KLHL3: variants seen among roughly 807,000 people sequenced by gnomAD.
The protein encoded by KLHL3 is kelch like family member 3, also known as kelch-like protein 3.
A neutral mutation model predicts 70.5 loss-of-function variants in KLHL3; 19 were observed. The ratio of observed to expected loss-of-function variants is 0.27; its 90% confidence interval spans 0.19 to 0.40. KLHL3 has a LOEUF of 0.40. Among genes scored for constraint, KLHL3 ranks in the 10% least tolerant of loss-of-function variants. KLHL3 has a pLI of 1.00. For synonymous variants in KLHL3, 258 were observed against 290.3 expected, an observed-to-expected ratio of 0.89 and a Z score of 1.13; for missense variants, 512 against 771.1, an observed-to-expected ratio of 0.66 and a Z score of 3.98.
At chr5:137,652,086 A>C (rs1751214876) in intron 8 of KLHL3, among the ~76,000 whole-genome samples, 1 of 152,198 alleles carries the variant, frequency 6.6e-6, no homozygotes, top group East Asian at 1.9e-4. Flanking sequence ...CATAGGCCTA[A>C]GTGTAAAACC....
In KLHL3 at chr5:137,644,352, G is replaced by A. The variant is rs535344792; in HGVS notation, c.904-4375C>T. Among the ~76,000 whole-genome samples, 5 of 152,328 alleles carry A rather than the reference G, an allele frequency of 3.3e-5. No homozygotes were observed. The South Asian group carries it at 1.0e-3, about 32-fold the overall frequency. On this transcript the variant is annotated intron_variant, in intron 8 of 14. Transcript: ENST00000309755. ...CCCAAAGTGCTGGGATTACAAGCAT[G>A]AGCCACTGTGCCCGGCCTTTTTATA...
intron 5 of KLHL3, among the ~76,000 whole-genome samples, chr5:137,689,902 T>G (rs926201097): frequency 6.6e-6 from 1 of 152,360 alleles, no homozygotes; most frequent in East Asian, 1.9e-4. Context: ...GGATATGTGC[T>G]AGGTGTACAC....
At chr5:137,693,997 C>G (rs1038781292) in intron 4 of KLHL3, among the ~76,000 whole-genome samples, 1 of 152,070 alleles carries the variant, frequency 6.6e-6, no homozygotes, top group African/African-American at 2.4e-5. Flanking sequence ...GGGCTTTGTC[C>G]CTCCACTGGG....
chr5:137,662,593 G>T (rs1182764298), intron 6 of KLHL3, among the ~76,000 whole-genome samples: 2 of 152,306 alleles, frequency 1.3e-5, no homozygotes, highest in South Asian at 4.1e-4. Flanking sequence ...CTTGAGGAGA[G>T]ATTTCATTTC....
In KLHL3 at chr5:137,658,149, A is replaced by C. The variant is rs748539604; in HGVS notation, c.885T>G (p.Thr295=). 6.2e-7 allele frequency: 1 copy of C among 1,613,202 alleles called. No homozygotes were observed. The highest frequency in any genetic ancestry group is 8.5e-7 in the Non-Finnish European group (1 of 1,179,854). Residue 295 remains threonine (T), a synonymous_variant, in exon 8 of 15, where the codon ACT becomes ACG. Transcript: ENST00000309755. The stretch of plus-strand genomic sequence containing the variant: ...GGCTTACCTTGGGAAGGCTGACTGG[A>C]GTCCTGGGCTTGGTCCTTGGGTTCT... ...LIKNPRTKPR[T]PVSLPKVMIV... is the part of the protein sequence containing the mutation.
intron 10 of KLHL3, among the ~76,000 whole-genome samples, chr5:137,638,460 G>C (rs563756840): frequency 3.3e-5 from 5 of 152,208 alleles, no homozygotes; most frequent in Admixed American, 1.3e-4. Context: ...AAGCTAGATA[G>C]AGTCCAGAGG....
chr5:137,689,942 G>C (rs1580764200), intron 5 of KLHL3, among the ~76,000 whole-genome samples: 1 of 152,228 alleles, frequency 6.6e-6, no homozygotes, highest in Non-Finnish European at 1.5e-5. Context: ...TGTGGAAGGA[G>C]AGGGCTGGTA....
chr5:137,673,303 G>A (rs1342920207), intron 6 of KLHL3, among the ~76,000 whole-genome samples: 2 of 152,110 alleles, frequency 1.3e-5, no homozygotes, highest in Non-Finnish European at 2.9e-5. Flanking sequence ...GCCACCACTG[G>A]ACAGCCCTGT....
intron 13 of KLHL3, 44 bp from the exon 14 acceptor site, chr5:137,625,940 ACT>A (rs1750450633): frequency 6.2e-7 from 1 of 1,612,786 alleles, no homozygotes; most frequent in South Asian, 1.1e-5. Context: ...CAGCAGGTGC[ACT>A]AAGAGATCAG....
Position 137,617,625 on chromosome 5 carries a change from GT to G in KLHL3, c.*4472del, listed in dbSNP as rs1756260140. On this transcript the variant is annotated 3_prime_UTR_variant, in exon 15 of 15. Transcript: ENST00000309755. Reference sequence around the variant, plus strand: ...GTAACTGATCAAGCATGTGACAAGTGTTCTTTTACAAGATATACAGTCCCTA... The same window carrying G: ...GTAACTGATCAAGCATGTGACAAGTGTCTTTTACAAGATATACAGTCCCTA... 6.6e-6 allele frequency: 1 copy of G among 152,182 alleles called. No homozygotes were observed. The highest frequency in any genetic ancestry group is 1.5e-5 in the Non-Finnish European group (1 of 68,036). The allele number at this position is 152,182 out of a possible 1,614,324, so 9.4% of individuals were successfully genotyped here. A position where few individuals can be genotyped will look rare whatever the true frequency, so the allele number is the denominator to read the frequency against.
intron 3 of KLHL3, among the ~76,000 whole-genome samples, chr5:137,704,391 CAAA>C (rs1287640195): frequency 7.7e-6 from 1 of 129,400 alleles, no homozygotes; most frequent in Admixed American, 7.9e-5. Context: ...GACTCCGTCT[CAAA>C]AAAAAAAAAA....
At chr5:137,684,282 AG>A (rs1752109583) in intron 5 of KLHL3, among the ~76,000 whole-genome samples, 1 of 152,270 alleles carries the variant, frequency 6.6e-6, no homozygotes, top group South Asian at 2.1e-4. Flanking sequence ...GCACCTAGCA[AG>A]TATTCAAAAA....
intron 1 of KLHL3, 124 bp downstream of exon 1, chr5:137,735,509 T>A (rs1364995981): frequency 2.6e-6 from 2 of 769,400 alleles, no homozygotes; most frequent in African/African-American, 3.4e-5. Context: ...CCCTTTAAGA[T>A]CCATCAGTGG....
intron 12 of KLHL3, among the ~76,000 whole-genome samples, chr5:137,632,488 C>A (rs1750662630): frequency 6.6e-6 from 1 of 152,068 alleles, no homozygotes; most frequent in Admixed American, 6.5e-5. Context: ...CTATCTCTTA[C>A]CATATACAAA....
chr5:137,663,597 T>G (rs1751540971), intron 6 of KLHL3, among the ~76,000 whole-genome samples: 1 of 151,994 alleles, frequency 6.6e-6, no homozygotes, highest in African/African-American at 2.4e-5. Context: ...CATACATCAC[T>G]TCATGCAAGT....
At chr5:137,625,645 C>T in intron 14 of KLHL3, 108 bp downstream of exon 14, 1 of 1,331,950 alleles carries the variant, frequency 7.5e-7, no homozygotes, top group Non-Finnish European at 1.0e-6. Context: ...GGCACTCAGG[C>T]CCAAGTTAAG....
chr5:137,631,648 C>T (rs1434557251), intron 12 of KLHL3, among the ~76,000 whole-genome samples: 1 of 152,196 alleles, frequency 6.6e-6, no homozygotes, highest in Non-Finnish European at 1.5e-5. Context: ...CACTGGCAGA[C>T]CTCCTTTCTA....
intron 1 of KLHL3, among the ~76,000 whole-genome samples, chr5:137,723,802 C>T (rs1041600361): frequency 2.6e-5 from 4 of 152,176 alleles, no homozygotes; most frequent in African/African-American, 9.6e-5. Context: ...CATATTCCTG[C>T]TTTCAAAGAT....
rs754236886 is a variant in KLHL3, at chr5:137,639,056, G to C, written c.1116C>G (p.Asp372Glu). Residue 372 changes from aspartate to glutamate, a missense_variant, in exon 10 of 15, where the codon GAC (aspartate) becomes GAG (glutamate). Physicochemically the swap from Asp to Glu is conservative, Grantham distance 45. Transcript: ENST00000309755. This position sits in a 1 kb window ranked among gnomAD's most constrained non-coding sequence, Gnocchi z 5.0. ...RTVDVYDGVK[D>E]QWTSIASMQE... ...GCATGCTGGCAATGGACGTCCACTG[G>C]TCCTTCACGCCGTCATACACATCCA... The C allele has an allele frequency of 6.2e-7, 1 of 1,613,962 alleles. No individual in the cohort carries two copies. Among genetic ancestry groups the C allele is most frequent in the Non-Finnish European group, 8.5e-7 (1 of 1,180,008 alleles).
Sources: gnomAD v4.1 joint callset for allele counts (sites outside exome capture counted in the v4.1 genomes callset) on GRCh38, gnomAD v4.1.1 for gene constraint, Gnocchi (gnomAD v3.1) non-coding constraint, MANE v1.5 for transcripts, NCBI Gene and HGNC (gene_info 2026-07-23, HGNC 2026-07-21) for gene names.